The following ZFYVE28 variants were observed in gnomAD, a reference collection of about 807,000 sequenced individuals.
ZFYVE28 encodes the protein lateral signaling target protein 2 homolog.
Under a neutral mutation model 82.1 loss-of-function variants are expected in ZFYVE28, and 40 were observed. The ratio of observed to expected loss-of-function variants is 0.49; its 90% CI spans 0.38 to 0.63. The LOEUF is 0.63. Among genes scored for constraint, ZFYVE28 ranks in the 30% least tolerant of loss-of-function variants. The probability of loss-of-function intolerance (pLI) is 0.00; values close to 1 mark genes in which losing one functional copy is unlikely to be tolerated. For synonymous variants in ZFYVE28, 612 were observed against 546.1 expected, an observed-to-expected ratio of 1.12 and a Z score of -1.68; for missense variants, 1,321 against 1,242.1, an observed-to-expected ratio of 1.06 and a Z score of -0.96.
intron 1 of ZFYVE28, chr4:2,406,565 C>T (rs1368173832): frequency 6.6e-6 from 1 of 152,234 alleles, no homozygotes; most frequent in Non-Finnish European, 1.5e-5. Context: ...GAAAGAACCT[C>T]ACCTCCTTGC....
chr4:2,318,094 C>T (rs982490133), intron 7 of ZFYVE28, among the ~76,000 whole-genome samples: 3 of 152,206 alleles, frequency 2.0e-5, no homozygotes, highest in Admixed American at 6.5e-5. Context: ...ATGTTCTTTC[C>T]CCAGCAGAGC....
At chr4:2,344,238 G>GGGTTCAGCCGAGAACT (rs1222055284) in intron 2 of ZFYVE28, among the ~76,000 whole-genome samples, 5 of 152,214 alleles carry the variant, frequency 3.3e-5, no homozygotes, top group Admixed American at 1.3e-4. Context: ...AAGGTTTCAA[G>GGGTTCAGCCGAGAACT]GGTTCAGCCG....
chr4:2,337,712 AAAT>A (rs1722073091), intron 4 of ZFYVE28, among the ~76,000 whole-genome samples: 2 of 152,102 alleles, frequency 1.3e-5, no homozygotes. Flanking sequence ...TCTCTACAAA[AAAT>A]AAAAAAGTCG....
chr4:2,285,410 G>T (rs185910923), intron 8 of ZFYVE28: 1 of 152,388 alleles, frequency 6.6e-6, no homozygotes, highest in East Asian at 1.9e-4. Context: ...CCATGGCGCC[G>T]GCCCCACTGT....
intron 1 of ZFYVE28, among the ~76,000 whole-genome samples, chr4:2,393,405 T>C (rs745423068): frequency 1.3e-5 from 2 of 152,110 alleles, no homozygotes; most frequent in African/African-American, 2.4e-5. Flanking sequence ...TTCCCAACTA[T>C]GCAAAAAAGT....
chr4:2,382,382 G>T (rs1474368505), intron 1 of ZFYVE28, among the ~76,000 whole-genome samples: 1 of 152,208 alleles, frequency 6.6e-6, no homozygotes, highest in South Asian at 2.1e-4. Context: ...AGCTGGGAGG[G>T]AGGCTGTACC....
Position 2,305,516 on chromosome 4 carries a change from G to C in ZFYVE28, c.824C>G (p.Thr275Arg), listed in dbSNP as rs747879895. ...TTCCAGCGTGTGCAGCTCCTCCTCC[G>C]TCAGCGTCTGCAGCAAATCCCTACG... ...RKIRDLLQTLTEEELHTLERN... is the reference protein window; with the variant it reads ...RKIRDLLQTLREEELHTLERN... The change falls in exon 8 of 13, where the codon ACG becomes AGG. Residue 275 changes from threonine (T) to arginine (R), a missense_variant. Around this residue, in one of 2 missense-constraint regions of ZFYVE28, gnomAD observed 343 missense variants for 408.4 expected, o/e 0.84. Coordinates refer to ENST00000290974, the MANE Select transcript of ZFYVE28 (RefSeq NM_020972.3). The C allele has an allele frequency of 6.2e-7, 1 of 1,612,848 alleles. No individual in the cohort carries two copies. Among genetic ancestry groups the C allele is most frequent in the Non-Finnish European group, 8.5e-7 (1 of 1,180,034 alleles).
chr4:2,320,338 A>G lies in ZFYVE28; in HGVS notation c.702-67T>C, dbSNP rs1056620260. 6 of 1,485,566 alleles carry G rather than the reference A, an allele frequency of 4.0e-6. No homozygotes were observed. In the African/African-American group the frequency reaches 7.0e-5, roughly 17 times the overall value. The allele number at this position is 1,485,566 out of a possible 1,614,324, so 92.0% of individuals were successfully genotyped here. A position where few individuals can be genotyped will look rare whatever the true frequency, so the allele number is the denominator to read the frequency against. On this transcript the variant is annotated intron_variant, in intron 6 of 12. Transcript: ENST00000290974. The surrounding 1 kb of genome is among the most constrained non-coding windows in gnomAD (Gnocchi z 5.1). The stretch of plus-strand genomic sequence containing the variant: ...CCCCCTGGGTGCCGCGGACGGCCCA[A>G]CTTAACCACCTGCGAAAACCACGCC...
intron 5 of ZFYVE28, among the ~76,000 whole-genome samples, chr4:2,336,356 C>T (rs1264803486): frequency 6.6e-6 from 1 of 152,178 alleles, no homozygotes; most frequent in Non-Finnish European, 1.5e-5. Flanking sequence ...TTTGAAATAT[C>T]TCTCAAAGCA....
chr4:2,371,432 C>T (rs1399473707), intron 1 of ZFYVE28, among the ~76,000 whole-genome samples: 1 of 152,186 alleles, frequency 6.6e-6, no homozygotes, highest in Non-Finnish European at 1.5e-5. Context: ...CCTGCTCTCA[C>T]CAATGTGTCA....
At chr4:2,315,638 T>C (rs759428166) in intron 7 of ZFYVE28, among the ~76,000 whole-genome samples, 10 of 152,366 alleles carry the variant, frequency 6.6e-5, no homozygotes, top group Non-Finnish European at 1.2e-4. Flanking sequence ...TGTTCATTTG[T>C]TGAGAAGACA....
intron 6 of ZFYVE28, among the ~76,000 whole-genome samples, chr4:2,326,467 GGTAGT>G (rs1377020153): frequency 6.6e-6 from 1 of 152,150 alleles, no homozygotes; most frequent in Non-Finnish European, 1.5e-5. Context: ...TTTAAAATCA[GGTAGT>G]GTGGTATCTC....
At position 2,305,160 on chromosome 4, in the gene ZFYVE28, T is replaced by C. The variant is rs1172218836; in HGVS notation, c.1180A>G (p.Ser394Gly). The stretch of plus-strand genomic sequence containing the variant: ...AAGAACACGCGCTCCTCCTCGTCAC[T>C]GCCTGACCGCAGGCGCGGTCTACCT... ...SPGRPRLRSG[S>G]DEEERVFFMD... Residue 394 changes from serine (S) to glycine (G), a missense_variant, in exon 8 of 13, where the codon AGT becomes GGT. Around this residue, in one of 2 missense-constraint regions of ZFYVE28, gnomAD observed 978 missense variants for 833.7 expected, o/e 1.17. Coordinates refer to ENST00000290974, the MANE Select transcript of ZFYVE28 (RefSeq NM_020972.3). The C allele has an allele frequency of 1.3e-6, 2 of 1,591,368 alleles. No individual in the cohort carries two copies. The highest frequency in any genetic ancestry group is 8.6e-7 in the Non-Finnish European group (1 of 1,166,482).
chr4:2,284,595 G>A (rs1363145295), intron 8 of ZFYVE28, among the ~76,000 whole-genome samples: 1 of 152,218 alleles, frequency 6.6e-6, no homozygotes, highest in Non-Finnish European at 1.5e-5. Context: ...CACCAGGTCA[G>A]GACAATCCCA....
intron 5 of ZFYVE28, among the ~76,000 whole-genome samples, chr4:2,336,541 G>A (rs1721714851): frequency 6.7e-6 from 1 of 148,492 alleles, no homozygotes; most frequent in Non-Finnish European, 1.5e-5. Flanking sequence ...AGCCTGATAA[G>A]AATATTGATG....
Position 2,418,173 on chromosome 4 carries a change from G to A in ZFYVE28, c.39+112C>T. The A allele has an allele frequency of 3.0e-6, 3 of 1,003,984 alleles. No individual in the cohort carries two copies. The highest frequency in any genetic ancestry group is 3.4e-5 in the South Asian group (2 of 57,996). The allele number at this position is 1,003,984 out of a possible 1,614,324, so 62.2% of individuals were successfully genotyped here. ...GGGAAGGATGTCGGCGGTGGGGGAA[G>A]AGGCCGGCCACGGACAGGGAAAGGG... On this transcript the variant is annotated intron_variant, in intron 1 of 12. Transcript: ENST00000290974. The surrounding 1 kb of genome is among the most constrained non-coding windows in gnomAD (Gnocchi z 4.6).
intron 1 of ZFYVE28, among the ~76,000 whole-genome samples, chr4:2,374,457 A>G (rs977068375): frequency 6.6e-6 from 1 of 152,138 alleles, no homozygotes; most frequent in Non-Finnish European, 1.5e-5. Context: ...ATAAAAAAAA[A>G]CAAAAATTAG....
At chr4:2,330,490 G>A (rs907441669) in intron 6 of ZFYVE28, 1 of 1,094,908 alleles carries the variant, frequency 9.1e-7, no homozygotes, top group South Asian at 2.4e-5. Flanking sequence ...CATGGAGGAG[G>A]GGACAGTGCA....
chr4:2,341,497 T>C lies in ZFYVE28; in HGVS notation c.299A>G (p.Gln100Arg). The change falls in exon 3 of 13, where the codon CAG becomes CGG. Residue 100 changes from glutamine (Q) to arginine (R), a missense_variant. Coordinates refer to ENST00000290974, the MANE Select transcript of ZFYVE28 (RefSeq NM_020972.3). This position sits in a 1 kb window ranked among gnomAD's most constrained non-coding sequence, Gnocchi z 4.5. ...CGCTACCTCGGCACCGAACCACAGC[T>C]GGCCGGCCAGGTTGTCGTGCCGGAT... ...EEIRHDNLAG[Q>R]LWFGAECLAA... 2 of 1,604,590 alleles carry C rather than the reference T, an allele frequency of 1.2e-6. No individual in the cohort carries two copies. The highest frequency in any genetic ancestry group is 1.7e-6 in the Non-Finnish European group (2 of 1,174,452).
Sources: allele counts gnomAD v4.1 joint callset (sites outside exome capture counted in the v4.1 genomes callset), GRCh38; gene constraint gnomAD v4.1.1; regional missense constraint gnomAD v4.1.1; non-coding constraint Gnocchi (gnomAD v3.1); transcripts MANE v1.5; gene names NCBI Gene and HGNC (gene_info 2026-07-23, HGNC 2026-07-21).